Variants in TG observed in about 807,000 individuals in gnomAD.
The protein encoded by TG is thyroid hormones.
In TG, 270 loss-of-function variants were observed where a neutral mutation model predicts 324.7. The ratio of observed to expected loss-of-function variants is 0.83; its 90% CI spans 0.75 to 0.92. TG has a LOEUF of 0.92. TG is among the 40% of genes least tolerant of loss of function. TG has a pLI of 0.00. For synonymous variants in TG, 1,401 were observed against 1,327.0 expected, an observed-to-expected ratio of 1.06 and a Z score of -1.21; for missense variants, 3,591 against 3,456.4, an observed-to-expected ratio of 1.04 and a Z score of -0.98.
chr8:132,932,821 T>G (rs769775954), intron 23 of TG, among the ~76,000 whole-genome samples: 49 of 152,336 alleles, frequency 3.2e-4, no homozygotes, highest in Non-Finnish European at 6.0e-4. Context: ...TGCTGTCTGC[T>G]CCTGATGGAA....
chr8:133,031,100 T>C (rs1251137345), intron 41 of TG, among the ~76,000 whole-genome samples: 1 of 152,268 alleles, frequency 6.6e-6, no homozygotes, highest in East Asian at 1.9e-4. Flanking sequence ...ACAGAACCTC[T>C]GTATCCTTTA....
intron 41 of TG, among the ~76,000 whole-genome samples, chr8:133,056,914 G>A (rs537809770): frequency 1.3e-5 from 2 of 152,302 alleles, no homozygotes; most frequent in African/African-American, 4.8e-5. Context: ...TCAGCTGGCG[G>A]CTACCTTCCA....
intron 43 of TG, among the ~76,000 whole-genome samples, chr8:133,106,083 G>T (rs1849777090): frequency 6.6e-6 from 1 of 152,172 alleles, no homozygotes; most frequent in Non-Finnish European, 1.5e-5. Flanking sequence ...TCTAGGTGGG[G>T]GTGGGACTCA....
intron 2 of TG, among the ~76,000 whole-genome samples, 198 bp from the exon 3 acceptor site, chr8:132,869,531 G>A (rs1447569051): frequency 6.6e-6 from 1 of 152,220 alleles, no homozygotes; most frequent in East Asian, 1.9e-4. Context: ...AGGAGGCAGA[G>A]CAGGTGCTAG....
At chr8:133,072,947 T>C (rs943901019) in intron 41 of TG, 6 of 152,234 alleles carry the variant, frequency 3.9e-5, no homozygotes, top group Non-Finnish European at 7.3e-5. Flanking sequence ...TTTAACACTG[T>C]TTATTAATAG....
intron 45 of TG, among the ~76,000 whole-genome samples, chr8:133,126,109 T>G (rs992726664): frequency 6.6e-6 from 1 of 152,212 alleles, no homozygotes; most frequent in Non-Finnish European, 1.5e-5. Flanking sequence ...CTTAAATATT[T>G]TATTTTAACT....
rs1842167112 is a variant in TG at position 133,060,199 on chromosome 8, G to C, written c.7239+30176G>C. On this transcript the variant is annotated intron_variant, in intron 41 of 47. Coordinates refer to ENST00000220616, the MANE Select transcript of TG (RefSeq NM_003235.5). ...CCTGGGGCCGCTGGTGATGCCCAGA[G>C]CCTGTGGTATAGGAGACAGACGGGG... The C allele has an allele frequency of 2.5e-6, 4 of 1,613,484 alleles. No individual in the cohort carries two copies. In the Admixed American group the frequency reaches 6.7e-5, roughly 27 times the overall value.
At chr8:132,936,233 C>T (rs577172515) in intron 25 of TG, among the ~76,000 whole-genome samples, 13 of 152,332 alleles carry the variant, frequency 8.5e-5, no homozygotes, top group South Asian at 4.1e-4. Flanking sequence ...CAGCCTGTGC[C>T]GTCTGGAAGG....
At chr8:133,092,408 G>A (rs1054240175) in intron 41 of TG, among the ~76,000 whole-genome samples, 1 of 152,214 alleles carries the variant, frequency 6.6e-6, no homozygotes, top group Non-Finnish European at 1.5e-5. Flanking sequence ...TGAATAGCTA[G>A]GTCAGATTTA....
chr8:132,875,124 A>G lies in TG; in HGVS notation c.638+1903A>G, dbSNP rs76040937. 9.0e-3 allele frequency among the ~76,000 whole-genome samples: 1,372 copies of G among 152,312 alleles called. 39 individuals are homozygous for G. The highest frequency in any genetic ancestry group is 0.087 in the East Asian group (451 of 5,180). On this transcript the variant is annotated intron_variant, in intron 5 of 47. Transcript: ENST00000220616. The stretch of plus-strand genomic sequence containing the variant: ...CATAGTGAAGATTTGATGAGGCCTC[A>G]TCTATGAAACCATGGGTGCAAATTT...
chr8:132,938,605 A>G (rs1334700308), intron 25 of TG, among the ~76,000 whole-genome samples: 2 of 152,180 alleles, frequency 1.3e-5, no homozygotes, highest in South Asian at 2.1e-4. Context: ...TGATAGGGGA[A>G]TAGAACCAGC....
chr8:133,131,854 C>G lies in TG; in HGVS notation c.7905C>G (p.Pro2635=). The G allele has an allele frequency of 1.2e-6, 2 of 1,614,174 alleles. No individual in the cohort carries two copies. Among genetic ancestry groups the G allele is most frequent in the Non-Finnish European group, 1.7e-6 (2 of 1,180,030 alleles). The change falls in exon 46 of 48, where the codon CCC becomes CCG. Residue 2635 remains proline, a synonymous_variant. Coordinates refer to ENST00000220616, the MANE Select transcript of TG (RefSeq NM_003235.5). The part of the protein sequence containing the change: ...LADVQFALGL[P]FYPAYEGQFS... ...ATGTTCAGTTTGCCTTGGGGCTTCC[C>G]TTCTACCCAGCCTACGAGGGGCAGT... is the stretch of plus-strand genomic sequence containing the variant.
intron 35 of TG, chr8:133,001,726 C>G (rs1168798272): frequency 3.0e-6 from 3 of 985,112 alleles, no homozygotes; most frequent in Non-Finnish European, 3.6e-6. Flanking sequence ...TGTGGCCGTA[C>G]AGGCCTCCAA....
intron 41 of TG, among the ~76,000 whole-genome samples, chr8:133,055,584 T>C (rs1841294127): frequency 6.6e-6 from 1 of 152,156 alleles, no homozygotes; most frequent in African/African-American, 2.4e-5. Context: ...GCCTTGGTTT[T>C]TCCGTATGTT....
At chr8:132,988,603 A>G (rs1831910140) in intron 35 of TG, 1 of 548,414 alleles carries the variant, frequency 1.8e-6, no homozygotes, top group Non-Finnish European at 2.3e-6. Context: ...TCAACGGTGT[A>G]TAGTGTATAG....
intron 35 of TG, chr8:133,002,175 C>T (rs1011129755): frequency 1.0e-6 from 1 of 985,332 alleles, no homozygotes; most frequent in Non-Finnish European, 1.2e-6. Context: ...CACTTTCCGC[C>T]TGTTTTTCAA....
chr8:133,065,163 G>A (rs1455100270), intron 41 of TG, among the ~76,000 whole-genome samples: 2 of 152,154 alleles, frequency 1.3e-5, no homozygotes, highest in Non-Finnish European at 2.9e-5. Flanking sequence ...CAACAACAAC[G>A]GTGATGACCA....
At chr8:132,955,333 A>G (rs1419774752) in intron 27 of TG, among the ~76,000 whole-genome samples, 1 of 152,192 alleles carries the variant, frequency 6.6e-6, no homozygotes, top group Admixed American at 6.5e-5. Flanking sequence ...CCATCTTGCT[A>G]TCCTTGGCAC....
At chr8:133,063,639 A>C (rs1842700436) in intron 41 of TG, 1 of 152,176 alleles carries the variant, frequency 6.6e-6, no homozygotes, top group Non-Finnish European at 1.5e-5. Context: ...CTTCTACGCT[A>C]ACAGTCTTCT....
Sources: allele counts gnomAD v4.1 joint callset (sites outside exome capture counted in the v4.1 genomes callset), GRCh38; gene constraint gnomAD v4.1.1; transcripts MANE v1.5; gene names NCBI Gene and HGNC (gene_info 2026-07-23, HGNC 2026-07-21).